Variants in CTNNA2 observed in about 807,000 individuals in gnomAD.
CTNNA2 encodes catenin alpha-2.
CTNNA2 carries 42 observed loss-of-function variants against 101.0 expected under a neutral mutation model. The observed-to-expected ratio is 0.42, with a 90% confidence interval of 0.32 to 0.54. The LOEUF is 0.54. Among genes scored for constraint, CTNNA2 ranks in the 20% least tolerant of loss-of-function variants. The probability of loss-of-function intolerance (pLI) is 0.14; values close to 1 mark genes in which losing one functional copy is unlikely to be tolerated. For missense variants in CTNNA2, 871 were observed against 1,223.1 expected, an observed-to-expected ratio of 0.71 and a Z score of 4.29; for synonymous variants, 450 against 456.4, an observed-to-expected ratio of 0.99 and a Z score of 0.18.
At chr2:79,263,623 A>C (rs1342646648) in intron 2 of CTNNA2, among the ~76,000 whole-genome samples, 1 of 152,210 alleles carries the variant, frequency 6.6e-6, no homozygotes, top group African/African-American at 2.4e-5. Context: ...TAAGAAATTT[A>C]ATCCCTAATG....
rs1282076470 is a variant in CTNNA2, at chr2:80,586,880, C to T, written c.2008-2424C>T. On this transcript the variant is annotated intron_variant, in intron 14 of 18. Transcript: ENST00000402739. Reference sequence around the variant, plus strand: ...AGATGTGGCTACTAGTAAGAAGCATCTGGGCAGCCACGGGTTCAAGGATAC... The same window carrying T: ...AGATGTGGCTACTAGTAAGAAGCATTTGGGCAGCCACGGGTTCAAGGATAC... Among the ~76,000 whole-genome samples, 3 of 152,178 alleles carry T rather than the reference C, an allele frequency of 2.0e-5. No homozygotes were observed. The East Asian group carries it at 5.8e-4, about 29-fold the overall frequency.
chr2:80,568,018 C>T (rs1694217239), intron 12 of CTNNA2, among the ~76,000 whole-genome samples: 1 of 152,088 alleles, frequency 6.6e-6, no homozygotes, highest in Non-Finnish European at 1.5e-5. Flanking sequence ...ACTGCATCAC[C>T]ACAGTTGGGT....
chr2:80,551,243 T>TTC (rs1226425919), intron 11 of CTNNA2, among the ~76,000 whole-genome samples: 1 of 152,200 alleles, frequency 6.6e-6, no homozygotes, highest in Non-Finnish European at 1.5e-5. Context: ...ATGTGCTGTC[T>TTC]TCAGTCTTCG....
intron 4 of CTNNA2, among the ~76,000 whole-genome samples, chr2:79,469,356 A>G (rs1451950758): frequency 6.6e-6 from 1 of 152,158 alleles, no homozygotes; most frequent in Non-Finnish European, 1.5e-5. Context: ...GAATAGACCA[A>G]TAACAGGCTC....
In CTNNA2 at chr2:80,369,730, A is replaced by G. The variant is rs1487257810; in HGVS notation, c.1057-23481A>G. On this transcript the variant is annotated intron_variant, in intron 7 of 18. Coordinates refer to ENST00000402739, the MANE Select transcript of CTNNA2 (RefSeq NM_001282597.3). ...TCATTTGAGTCTTCAAAGGTAGAAA[A>G]TCTTTCCTGGCTAGAGTCAGAGAGA... 2.6e-5 allele frequency among the ~76,000 whole-genome samples: 4 copies of G among 152,120 alleles called. No individual in the cohort carries two copies. The South Asian group carries it at 6.2e-4, about 24-fold the overall frequency.
chr2:79,577,085 G>T (rs1490486085), intron 1 of CTNNA2, among the ~76,000 whole-genome samples: 1 of 152,070 alleles, frequency 6.6e-6, no homozygotes. Context: ...AAATTTTCAT[G>T]TGAGAACCAT....
chr2:80,328,293 T>C (rs1188535896), intron 7 of CTNNA2: 3 of 471,052 alleles, frequency 6.4e-6, no homozygotes, highest in Non-Finnish European at 1.3e-5. Flanking sequence ...CTTTGCTCTG[T>C]CCTGAATGAG....
At chr2:80,135,999 A>G (rs566845280) in intron 7 of CTNNA2, among the ~76,000 whole-genome samples, 2 of 152,272 alleles carry the variant, frequency 1.3e-5, no homozygotes, top group East Asian at 3.9e-4. Flanking sequence ...AGCGATCTGG[A>G]ATCCCAAATA....
At chr2:80,190,083 T>C (rs1229544947) in intron 7 of CTNNA2, among the ~76,000 whole-genome samples, 1 of 151,944 alleles carries the variant, frequency 6.6e-6, no homozygotes, top group Non-Finnish European at 1.5e-5. Flanking sequence ...ACATAGAAAC[T>C]GAATCTCTAA....
At chr2:80,128,257 A>G (rs1032441571) in intron 7 of CTNNA2, among the ~76,000 whole-genome samples, 2 of 152,160 alleles carry the variant, frequency 1.3e-5, no homozygotes, top group African/African-American at 4.8e-5. Context: ...TAATGGTGGA[A>G]AGGAATTTAA....
At chr2:79,863,365 G>A (rs1681776064) in intron 4 of CTNNA2, among the ~76,000 whole-genome samples, 1 of 152,174 alleles carries the variant, frequency 6.6e-6, no homozygotes, top group South Asian at 2.1e-4. Flanking sequence ...GGATGATGTG[G>A]TTGGGAGAGG....
chr2:80,095,918 C>A (rs563227538), intron 7 of CTNNA2, among the ~76,000 whole-genome samples: 3 of 152,020 alleles, frequency 2.0e-5, no homozygotes, highest in African/African-American at 7.2e-5. Context: ...GTCTTGCTAG[C>A]GATCTATTAA....
intron 7 of CTNNA2, among the ~76,000 whole-genome samples, chr2:80,311,976 T>A (rs1206128937): frequency 6.6e-6 from 1 of 152,236 alleles, no homozygotes; most frequent in Non-Finnish European, 1.5e-5. Context: ...TTTTATGTCA[T>A]AATTTTATCA....
At chr2:79,744,747 A>G (rs1671522735) in intron 3 of CTNNA2, among the ~76,000 whole-genome samples, 165 bp downstream of exon 3, 1 of 152,156 alleles carries the variant, frequency 6.6e-6, no homozygotes, top group South Asian at 2.1e-4. Flanking sequence ...GTACATAGAG[A>G]TATTTTCATT....
chr2:79,765,679 C>T (rs1391867435), intron 3 of CTNNA2, among the ~76,000 whole-genome samples: 2 of 152,148 alleles, frequency 1.3e-5, no homozygotes, highest in Non-Finnish European at 2.9e-5. Flanking sequence ...CACATTTTCT[C>T]CCCCACAGGA....
Position 80,217,346 on chromosome 2 carries a change from C to A in CTNNA2, c.1057-175865C>A, listed in dbSNP as rs148980997. 7.2e-5 allele frequency among the ~76,000 whole-genome samples: 11 copies of A among 152,186 alleles called. 1 individual carries two copies. In the South Asian group the frequency reaches 2.1e-3, roughly 29 times the overall value. ...CCTCTTCATCAGGAACCCAGTGTCT[C>A]GGGGTCCAAGGACACCTTAGTGTGA... On this transcript the variant is annotated intron_variant, in intron 7 of 18. Coordinates refer to ENST00000402739, the MANE Select transcript of CTNNA2 (RefSeq NM_001282597.3).
intron 2 of CTNNA2, among the ~76,000 whole-genome samples, chr2:79,222,988 G>C (rs1674364130): frequency 6.7e-6 from 1 of 150,096 alleles, no homozygotes; most frequent in African/African-American, 2.4e-5. Context: ...TGTAAAAAAA[G>C]TTAAAAAAAA....
At chr2:79,402,327 G>A (rs1288714035) in intron 4 of CTNNA2, among the ~76,000 whole-genome samples, 1 of 151,748 alleles carries the variant, frequency 6.6e-6, no homozygotes, top group Non-Finnish European at 1.5e-5. Flanking sequence ...ATAGATAGAT[G>A]TAAAACATTC....
chr2:79,233,672 G>A lies in CTNNA2; in HGVS notation c.-406+35596G>A, dbSNP rs188738417. ...GGTGTCAAAGTCCCCCACTATTATT[G>A]TGTGGCTAAGTTTTTTTATAAGTCA... On this transcript the variant is annotated intron_variant, in intron 2 of 21. Transcript: ENST00000466387. 2.6e-5 allele frequency among the ~76,000 whole-genome samples: 4 copies of A among 152,152 alleles called. No homozygotes were observed. The South Asian group carries it at 6.2e-4, about 24-fold the overall frequency.
Sources: gnomAD v4.1 joint callset for allele counts (sites outside exome capture counted in the v4.1 genomes callset) on GRCh38, gnomAD v4.1.1 for gene constraint, MANE v1.5 for transcripts, NCBI Gene and HGNC (gene_info 2026-07-23, HGNC 2026-07-21) for gene names.